The following PTPRD variants were observed in gnomAD, a reference collection of about 807,000 sequenced individuals.
The protein encoded by PTPRD is protein tyrosine phosphatase receptor type D.
In PTPRD, 34 loss-of-function variants were observed where a neutral mutation model predicts 214.5. That is an observed-to-expected ratio of 0.16 (90% CI 0.12 to 0.21). PTPRD has a LOEUF of 0.21. PTPRD is among the 10% of genes least tolerant of loss of function. The pLI is 1.00. For missense variants in PTPRD, 2,545 were observed against 2,398.7 expected, an observed-to-expected ratio of 1.06 and a Z score of -1.27; for synonymous variants, 1,128 against 845.7, an observed-to-expected ratio of 1.33 and a Z score of -5.79.
In PTPRD at chr9:9,722,447, T is replaced by C. The variant is rs149920728; in HGVS notation, c.-287+12086A>G. 1.7e-3 allele frequency among the ~76,000 whole-genome samples: 265 copies of C among 152,248 alleles called. 1 individual carries two copies. The highest frequency in any genetic ancestry group is 6.0e-3 in the African/African-American group (248 of 41,574). On this transcript the variant is annotated intron_variant, in intron 7 of 45. Coordinates refer to ENST00000381196, the MANE Select transcript of PTPRD (RefSeq NM_002839.4). Reference sequence around the variant, plus strand: ...AAATAGCATTGTAAAATCTATACCATATTTAAAAAATTTATTCATCAATTG... The same window carrying C: ...AAATAGCATTGTAAAATCTATACCACATTTAAAAAATTTATTCATCAATTG...
chr9:9,844,352 G>C (rs1054677001), intron 5 of PTPRD, among the ~76,000 whole-genome samples: 4 of 151,862 alleles, frequency 2.6e-5, no homozygotes, highest in African/African-American at 9.7e-5. Context: ...GAAACAGAAA[G>C]ACTAATACTA....
chr9:9,047,085 A>T (rs892773079), intron 10 of PTPRD, among the ~76,000 whole-genome samples: 2 of 152,182 alleles, frequency 1.3e-5, no homozygotes, highest in Non-Finnish European at 2.9e-5. Flanking sequence ...TAAAATTAAC[A>T]TTAAAAATCG....
chr9:9,514,818 G>A (rs979871995), intron 8 of PTPRD, among the ~76,000 whole-genome samples: 5 of 151,944 alleles, frequency 3.3e-5, no homozygotes, highest in South Asian at 2.1e-4. Flanking sequence ...TTGCAGCACC[G>A]TAAAAAATAA....
intron 9 of PTPRD, among the ~76,000 whole-genome samples, chr9:9,207,176 C>T (rs75197685): frequency 5.3e-4 from 80 of 152,210 alleles, no homozygotes; most frequent in African/African-American, 1.8e-3. Context: ...GAATGATGGA[C>T]TTGCTGTAAC....
chr9:9,948,874 C>T (rs34715769), intron 4 of PTPRD, among the ~76,000 whole-genome samples: 15,281 of 151,846 alleles, frequency 0.1, 1,029 homozygotes, highest in Non-Finnish European at 0.15. Flanking sequence ...TTGCAAAGAA[C>T]AAGATATGGC....
intron 5 of PTPRD, among the ~76,000 whole-genome samples, chr9:9,770,736 C>G (rs996420664): frequency 6.6e-6 from 1 of 151,974 alleles, no homozygotes; most frequent in African/African-American, 2.4e-5. Context: ...ATTCACTGCA[C>G]AGGTTGAAAA....
At chr9:10,471,927 T>C (rs2099033616) in intron 2 of PTPRD, among the ~76,000 whole-genome samples, 1 of 151,944 alleles carries the variant, frequency 6.6e-6, no homozygotes, top group Non-Finnish European at 1.5e-5. Context: ...ATCAAAGAAG[T>C]CACAAGGCCC....
chr9:10,180,792 G>C (rs905953575), intron 3 of PTPRD, among the ~76,000 whole-genome samples: 1 of 151,978 alleles, frequency 6.6e-6, no homozygotes, highest in African/African-American at 2.4e-5. Context: ...ATATTTACAT[G>C]TATCAGTCAA....
intron 12 of PTPRD, among the ~76,000 whole-genome samples, chr9:8,651,880 C>T (rs746351684): frequency 2.6e-5 from 4 of 152,176 alleles, no homozygotes; most frequent in East Asian, 1.9e-4. Flanking sequence ...TAACACTACA[C>T]GAATATTCTT....
At chr9:8,924,641 A>G (rs1172446327) in intron 11 of PTPRD, among the ~76,000 whole-genome samples, 2 of 151,526 alleles carry the variant, frequency 1.3e-5, no homozygotes, top group Non-Finnish European at 2.9e-5. Context: ...TCATTAGCAA[A>G]CTCGCCAACT....
intron 10 of PTPRD, among the ~76,000 whole-genome samples, chr9:9,064,131 A>G (rs1334313148): frequency 2.0e-5 from 3 of 152,204 alleles, no homozygotes; most frequent in African/African-American, 4.8e-5. Flanking sequence ...AAAATAATTT[A>G]TATAACTGAG....
At chr9:9,260,857 T>C (rs1403158793) in intron 9 of PTPRD, among the ~76,000 whole-genome samples, 1 of 151,864 alleles carries the variant, frequency 6.6e-6, no homozygotes, top group Non-Finnish European at 1.5e-5. Context: ...CATAAGTCTT[T>C]CTTCAAGAAA....
chr9:9,770,512 T>C (rs1422843343), intron 5 of PTPRD, among the ~76,000 whole-genome samples: 1 of 152,198 alleles, frequency 6.6e-6, no homozygotes, highest in Non-Finnish European at 1.5e-5. Context: ...ATAAAACTAA[T>C]CCTTGAACAC....
intron 37 of PTPRD, among the ~76,000 whole-genome samples, chr9:8,380,028 C>T (rs193186895): frequency 6.6e-5 from 10 of 152,204 alleles, no homozygotes; most frequent in African/African-American, 2.2e-4. Context: ...CACAAACAGG[C>T]ATTCAACAAA....
At position 9,183,340 on chromosome 9, in the gene PTPRD, C is replaced by A. The variant is rs1372604032; in HGVS notation, c.-179G>T. 1 of 151,876 alleles carries A rather than the reference C, an allele frequency of 6.6e-6. No individual in the cohort carries two copies. The allele number at this position is 151,876 out of a possible 1,614,324, so 9.4% of individuals were successfully genotyped here. On this transcript the variant is annotated 5_prime_UTR_variant, in exon 10 of 46. Transcript: ENST00000381196. ...CACCGTCGGTGTTTTCAGACACAGT[C>A]CCTGGCCTCAAGAAGTTCAAAACCT...
chr9:8,430,849 A>G lies in PTPRD; in HGVS notation c.4086+5743T>C, dbSNP rs77259993. ...AATACCTTTCTCAATTCTCCAGATC[A>G]TTATGACCTTTACTGAATCCCAATA... On this transcript the variant is annotated intron_variant, in intron 35 of 45. Coordinates refer to ENST00000381196, the MANE Select transcript of PTPRD (RefSeq NM_002839.4). 4.8e-3 allele frequency among the ~76,000 whole-genome samples: 728 copies of G among 152,264 alleles called. 7 individuals carry two copies. Among genetic ancestry groups the G allele is most frequent in the African/African-American group, 0.015 (639 of 41,546 alleles).
At chr9:9,891,461 C>G (rs2073298706) in intron 5 of PTPRD, among the ~76,000 whole-genome samples, 1 of 151,306 alleles carries the variant, frequency 6.6e-6, no homozygotes, top group African/African-American at 2.4e-5. Context: ...CCATTACTAA[C>G]ATATAGACCA....
chr9:9,356,965 G>A (rs2054040166), intron 9 of PTPRD, among the ~76,000 whole-genome samples: 2 of 151,374 alleles, frequency 1.3e-5, no homozygotes, highest in African/African-American at 2.4e-5. Context: ...TGTAAAATAA[G>A]GTCAAGCAAC....
rs118018627 is a variant in PTPRD at position 8,762,637 on chromosome 9, C to T, written c.-103-28691G>A. The stretch of plus-strand genomic sequence containing the variant: ...AACCTCTTTTAAAATTAATGGCCTG[C>T]TGCAGCATGATGAGTGCTCAGGAAA... On this transcript the variant is annotated intron_variant, in intron 11 of 45. Transcript: ENST00000381196. Among the ~76,000 whole-genome samples the T allele has an allele frequency of 7.1e-3, 1,082 of 152,274 alleles. 4 individuals carry two copies. The highest frequency in any genetic ancestry group is 0.011 in the Non-Finnish European group (724 of 68,026).
Sources: allele counts gnomAD v4.1 joint callset (sites outside exome capture counted in the v4.1 genomes callset), GRCh38; gene constraint gnomAD v4.1.1; transcripts MANE v1.5; gene names NCBI Gene and HGNC (gene_info 2026-07-23, HGNC 2026-07-21).